The following FARS2 variants were observed in gnomAD, a reference collection of about 807,000 sequenced individuals.
The protein encoded by FARS2 is phenylalanyl-tRNA synthetase 2, mitochondrial, also known as phenylalanine--tRNA ligase, mitochondrial.
In FARS2, 40 loss-of-function variants were observed where a neutral mutation model predicts 46.4. The observed-to-expected ratio is 0.86, with a 90% CI of 0.67 to 1.12. FARS2 has a LOEUF of 1.12. Among genes scored for constraint, FARS2 ranks in the 50% most tolerant of loss-of-function variants. FARS2 has a pLI of 0.00. For missense variants in FARS2, 513 were observed against 567.9 expected (o/e 0.90, Z 0.98); for synonymous variants, 234 against 214.9 (o/e 1.09, Z -0.78).
chr6:5,270,122 T>G (rs903852921), intron 1 of FARS2, among the ~76,000 whole-genome samples: 16 of 152,168 alleles, frequency 1.1e-4, no homozygotes, highest in African/African-American at 3.6e-4. Flanking sequence ...TTTAAATCAA[T>G]TCCTGGAATT....
intron 3 of FARS2, among the ~76,000 whole-genome samples, chr6:5,418,715 C>G (rs897038951): frequency 2.0e-5 from 3 of 152,144 alleles, no homozygotes; most frequent in African/African-American, 7.2e-5. Flanking sequence ...AGAATTCTAG[C>G]TATCCTGACT....
chr6:5,341,180 C>T (rs1771532943), intron 1 of FARS2, among the ~76,000 whole-genome samples: 1 of 91,248 alleles, frequency 1.1e-5, no homozygotes, highest in African/African-American at 4.0e-5. Flanking sequence ...GCTCTGTGGC[C>T]ATGGGGAGAT....
In FARS2 at chr6:5,343,952, A is replaced by T. The variant is rs1757059417; in HGVS notation, c.-21-24598A>T. ...TGCATGGCAATGGCTAAGAATGGGC[A>T]CTGCCTGCTTCTGAGGTGTCCTCTG... is the stretch of plus-strand genomic sequence containing the variant. On this transcript the variant is annotated intron_variant, in intron 1 of 6. Transcript: ENST00000274680. This position sits in a 1 kb window ranked among gnomAD's most constrained non-coding sequence, Gnocchi z 4.5. 6.6e-6 allele frequency among the ~76,000 whole-genome samples: 1 copy of T among 152,244 alleles called. No individual in the cohort carries two copies. The highest frequency in any genetic ancestry group is 2.1e-4 in the South Asian group (1 of 4,832).
At chr6:5,446,394 A>T (rs920314158) in intron 4 of FARS2, among the ~76,000 whole-genome samples, 1 of 152,094 alleles carries the variant, frequency 6.6e-6, no homozygotes, top group Admixed American at 6.5e-5. Flanking sequence ...AAAATCCATT[A>T]TATGTATTTG....
chr6:5,730,519 GT>G lies in FARS2; in HGVS notation c.1218-40761del, dbSNP rs10609045. On this transcript the variant is annotated intron_variant, in intron 6 of 6. Coordinates refer to ENST00000274680, the MANE Select transcript of FARS2 (RefSeq NM_006567.5). ...AAAGGATTTTCTAGATTACAAAGAG[GT>G]TTTTTTTTTTACAACTAGAACTGTT... 6.2e-4 allele frequency among the ~76,000 whole-genome samples: 91 copies of G among 147,946 alleles called. 1 individual carries two copies. The South Asian group carries it at 9.3e-3, about 15-fold the overall frequency.
At chr6:5,467,082 G>C (rs1046806739) in intron 4 of FARS2, 1 of 985,240 alleles carries the variant, frequency 1.0e-6, no homozygotes, top group Non-Finnish European at 1.2e-6. Context: ...AAGTTGAATA[G>C]TCACTTCCCG....
intron 2 of FARS2, among the ~76,000 whole-genome samples, chr6:5,370,020 A>C (rs937947671): frequency 6.6e-6 from 1 of 152,204 alleles, no homozygotes; most frequent in African/African-American, 2.4e-5. Flanking sequence ...AACTAAGCAC[A>C]GGGTGTATTT....
intron 4 of FARS2, among the ~76,000 whole-genome samples, chr6:5,462,213 C>A (rs754470624): frequency 6.6e-6 from 1 of 152,028 alleles, no homozygotes; most frequent in Non-Finnish European, 1.5e-5. Context: ...GATTAAATAC[C>A]TATTCAAATA....
chr6:5,561,461 G>A (rs1771980115), intron 5 of FARS2, among the ~76,000 whole-genome samples: 1 of 152,078 alleles, frequency 6.6e-6, no homozygotes, highest in Admixed American at 6.6e-5. Context: ...TTCTGGAAAG[G>A]TAGTCATTCT....
At chr6:5,555,516 C>A (rs1270717275) in intron 5 of FARS2, among the ~76,000 whole-genome samples, 1 of 152,104 alleles carries the variant, frequency 6.6e-6, no homozygotes, top group East Asian at 1.9e-4. Context: ...ACTTGCTAAT[C>A]TCCTTGGCTT....
chr6:5,453,043 C>G (rs1764596533), intron 4 of FARS2, among the ~76,000 whole-genome samples: 1 of 151,890 alleles, frequency 6.6e-6, no homozygotes, highest in African/African-American at 2.4e-5. Context: ...ATCAGCTTAA[C>G]TGAGGATTAA....
intron 5 of FARS2, among the ~76,000 whole-genome samples, chr6:5,596,524 A>G (rs563367409): frequency 6.6e-6 from 1 of 152,214 alleles, no homozygotes; most frequent in Non-Finnish European, 1.5e-5. Flanking sequence ...CATTTTGCAT[A>G]AGGGAAATTA....
At position 5,707,848 on chromosome 6, in the gene FARS2, C is replaced by T. The variant is rs142711108; in HGVS notation, c.1218-63443C>T. ...CAGGATGAATCTCAGGCCCTGCCAT[C>T]GGGGCCTCACAGTCCAAAACAGAAG... On this transcript the variant is annotated intron_variant, in intron 6 of 6. Transcript: ENST00000274680. 2.8e-3 allele frequency among the ~76,000 whole-genome samples: 433 copies of T among 152,352 alleles called. 8 individuals are homozygous for T. The East Asian group carries it at 0.047, about 16-fold the overall frequency.
At chr6:5,751,016 C>T (rs1281563207) in intron 6 of FARS2, among the ~76,000 whole-genome samples, 1 of 152,022 alleles carries the variant, frequency 6.6e-6, no homozygotes, top group Non-Finnish European at 1.5e-5. Context: ...ATAAGTTAGG[C>T]GGGTTTTGGG....
intron 6 of FARS2, among the ~76,000 whole-genome samples, chr6:5,769,996 G>T (rs1384512989): frequency 6.6e-6 from 1 of 151,388 alleles, no homozygotes; most frequent in East Asian, 1.9e-4. Flanking sequence ...CAGGACCAAG[G>T]CAGACTCTCA....
chr6:5,432,359 ATATAATATATTATATAT>A (rs1245407977), intron 4 of FARS2, among the ~76,000 whole-genome samples: 2,338 of 92,564 alleles, frequency 0.025, 42 homozygotes, highest in South Asian at 0.081. Flanking sequence ...TATTATATAT[ATATAATATATTATATAT>A]TTATATATTA....
intron 6 of FARS2, among the ~76,000 whole-genome samples, chr6:5,686,059 A>C (rs1053819022): frequency 1.1e-4 from 16 of 152,150 alleles, no homozygotes; most frequent in Admixed American, 2.6e-4. Flanking sequence ...CGCCCAAGAA[A>C]GACTGGTGGA....
chr6:5,479,809 G>A (rs907551191), intron 4 of FARS2, among the ~76,000 whole-genome samples: 1 of 152,172 alleles, frequency 6.6e-6, no homozygotes, highest in Non-Finnish European at 1.5e-5. Context: ...CAACTTTAAA[G>A]CAGTTAAGCC....
At chr6:5,258,618 A>G (rs565010722), upstream of FARS2, among the ~76,000 whole-genome samples, 2 of 152,352 alleles carry the variant, frequency 1.3e-5, no homozygotes, top group East Asian at 3.9e-4. Flanking sequence ...ACGTATTTTT[A>G]TAACAAGTAA....
Sources: allele counts gnomAD v4.1 joint callset (sites outside exome capture counted in the v4.1 genomes callset), GRCh38; gene constraint gnomAD v4.1.1; non-coding constraint Gnocchi (gnomAD v3.1); transcripts MANE v1.5; gene names NCBI Gene and HGNC (gene_info 2026-07-23, HGNC 2026-07-21).